Variants in JPH2 observed in about 807,000 individuals in gnomAD.
JPH2 encodes the protein junctophilin 2, also known as junctophilin-2.
JPH2 carries 38 observed loss-of-function variants against 55.9 expected under a neutral mutation model. That is an observed-to-expected ratio of 0.68 (90% CI 0.52 to 0.89). JPH2 has a LOEUF of 0.89. Ranked by LOEUF, JPH2 falls within the 40% of genes least tolerant of loss-of-function variation. JPH2 has a pLI of 0.00. For missense variants in JPH2, 964 were observed against 1,037.6 expected, an observed-to-expected ratio of 0.93 and a Z score of 0.97; for synonymous variants, 480 against 472.4, an observed-to-expected ratio of 1.02 and a Z score of -0.21.
In JPH2 at chr20:44,186,628, A is replaced by G. The variant is rs2072847532; in HGVS notation, c.78T>C (p.His26=). ...GGCCCTTGGGGCCTGTGCACAGTCCATGCCCATGGGCCTTTCCCCCCTCCC... is the reference window on the plus strand; with the variant it reads ...GGCCCTTGGGGCCTGTGCACAGTCCGTGCCCATGGGCCTTTCCCCCCTCCC... The part of the protein sequence containing the change: ...GGWEGGKAHG[H]GLCTGPKGQG... Residue 26 remains histidine (H), a synonymous_variant, in exon 1 of 6, where the codon CAT becomes CAC. Transcript: ENST00000372980. The G allele has an allele frequency of 6.2e-7, 1 of 1,611,790 alleles. No homozygotes were observed. Among genetic ancestry groups the G allele is most frequent in the African/African-American group, 1.3e-5 (1 of 74,880 alleles).
intron 2 of JPH2, among the ~76,000 whole-genome samples, chr20:44,145,634 A>C (rs546987152): frequency 3.4e-4 from 52 of 151,676 alleles, no homozygotes; most frequent in Middle Eastern, 3.5e-3. Context: ...AGCTGGCAAC[A>C]CTCTGGAGCT....
intron 2 of JPH2, among the ~76,000 whole-genome samples, chr20:44,134,738 TATAAAG>T (rs1288659887): frequency 4.7e-4 from 40 of 84,440 alleles, no homozygotes; most frequent in African/African-American, 1.8e-3. Context: ...ATTATAAATA[TATAAAG>T]ATATATTTAT....
At chr20:44,180,458 A>G (rs2072772236) in intron 1 of JPH2, among the ~76,000 whole-genome samples, 1 of 152,004 alleles carries the variant, frequency 6.6e-6, no homozygotes, top group African/African-American at 2.4e-5. Flanking sequence ...TAGCCTCTCA[A>G]GTAGTTGGGA....
chr20:44,134,084 T>TAAATA (rs1384905382), intron 2 of JPH2, among the ~76,000 whole-genome samples: 2 of 19,148 alleles, frequency 1.0e-4, no homozygotes, highest in African/African-American at 2.5e-4. Flanking sequence ...TATATATTTA[T>TAAATA]TATAAATATA....
At chr20:44,126,558 C>T (rs1387799464) in intron 2 of JPH2, among the ~76,000 whole-genome samples, 1 of 152,156 alleles carries the variant, frequency 6.6e-6, no homozygotes, top group East Asian at 1.9e-4. Flanking sequence ...TCAGGCTAAT[C>T]TAGAGGAAGG....
chr20:44,178,878 G>T (rs572200139), intron 1 of JPH2, among the ~76,000 whole-genome samples: 1 of 152,266 alleles, frequency 6.6e-6, no homozygotes, highest in East Asian at 1.9e-4. Flanking sequence ...GCTTATCTCT[G>T]CAAGGAACAT....
At chr20:44,176,823 T>C (rs2072737572) in intron 1 of JPH2, 2 of 971,190 alleles carry the variant, frequency 2.1e-6, no homozygotes, top group South Asian at 4.8e-5. Flanking sequence ...AAGGTATCCA[T>C]AAAGGATTCC....
intron 1 of JPH2, 133 bp downstream of exon 1, chr20:44,186,194 A>G (rs2072838296): frequency 9.5e-7 from 1 of 1,053,166 alleles, no homozygotes; most frequent in East Asian, 2.4e-5. Flanking sequence ...CAGCTTGCCC[A>G]AAACCACACA....
rs189981532 is a variant in JPH2, at chr20:44,110,858, G to C, written c.*2660C>G. On this transcript the variant is annotated 3_prime_UTR_variant, in exon 6 of 6. Coordinates refer to ENST00000372980, the MANE Select transcript of JPH2 (RefSeq NM_020433.5). ...GAGGAAACTGAGGCACAGAAAGAGG[G>C]AGTGAGGGAGCACATGGCCCATCAG... Among the ~76,000 whole-genome samples, 9 of 152,324 alleles carry C rather than the reference G, an allele frequency of 5.9e-5. No individual in the cohort carries two copies. Among genetic ancestry groups the C allele is most frequent in the South Asian group, 4.1e-4 (2 of 4,822 alleles).
chr20:44,149,847 G>T (rs566565844), intron 2 of JPH2, among the ~76,000 whole-genome samples: 1 of 151,902 alleles, frequency 6.6e-6, no homozygotes, highest in Non-Finnish European at 1.5e-5. Context: ...GAGTGGCGGC[G>T]CATGCCTGTA....
chr20:44,138,785 C>G (rs1348092227), intron 2 of JPH2, among the ~76,000 whole-genome samples: 1 of 151,980 alleles, frequency 6.6e-6, no homozygotes, highest in African/African-American at 2.4e-5. Flanking sequence ...TTTTTCTAAT[C>G]TAATACTAGA....
In JPH2 at chr20:44,110,056, C is replaced by A. The variant is rs1177431696; in HGVS notation, c.*3462G>T. ...TGGTCAAGATTAGAAGAGGAGGCAT[C>A]GGCCTGGCTGTGTCCTACCCTTGAG... On this transcript the variant is annotated 3_prime_UTR_variant, in exon 6 of 6. Transcript: ENST00000372980. Among the ~76,000 whole-genome samples the A allele has an allele frequency of 6.6e-6, 1 of 152,140 alleles. No individual in the cohort carries two copies. The highest frequency in any genetic ancestry group is 1.5e-5 in the Non-Finnish European group (1 of 68,018).
chr20:44,157,608 T>C (rs1230732903), intron 2 of JPH2, among the ~76,000 whole-genome samples: 2 of 152,196 alleles, frequency 1.3e-5, no homozygotes, highest in Admixed American at 1.3e-4. Context: ...TCCTAACCCT[T>C]AGACCAACTT....
At chr20:44,185,135 C>T (rs2072822022) in intron 1 of JPH2, among the ~76,000 whole-genome samples, 1 of 151,490 alleles carries the variant, frequency 6.6e-6, no homozygotes, top group Non-Finnish European at 1.5e-5. Flanking sequence ...CCCATCTCTA[C>T]AAAAAAAGAA....
chr20:44,166,149 T>C (rs2072654460), intron 1 of JPH2, among the ~76,000 whole-genome samples: 1 of 152,234 alleles, frequency 6.6e-6, no homozygotes, highest in Admixed American at 6.5e-5. Context: ...CTGTTTATTC[T>C]CTTCTTTCTG....
intron 2 of JPH2, among the ~76,000 whole-genome samples, chr20:44,137,151 AGCGGATTTTCTCCCCAAGGGTTGG>A (rs1365205679): frequency 1.3e-5 from 2 of 152,148 alleles, no homozygotes; most frequent in Non-Finnish European, 2.9e-5. Context: ...ATCACTACTT[AGCGGATTTTCTCCCCAAGGGTTGG>A]GCTCCCACCC....
chr20:44,152,757 A>G (rs1259528337), intron 2 of JPH2, among the ~76,000 whole-genome samples: 3 of 152,164 alleles, frequency 2.0e-5, no homozygotes, highest in Non-Finnish European at 2.9e-5. Flanking sequence ...AAGTGACACC[A>G]AGTCCATTTT....
intron 1 of JPH2, among the ~76,000 whole-genome samples, chr20:44,168,672 C>G (rs138691941): frequency 6.6e-6 from 1 of 152,356 alleles, no homozygotes; most frequent in Non-Finnish European, 1.5e-5. Context: ...AGCGTCCTGA[C>G]TAGTGCTTTC....
chr20:44,165,436 TTC>T (rs945537954), intron 1 of JPH2, among the ~76,000 whole-genome samples: 7 of 152,252 alleles, frequency 4.6e-5, no homozygotes, highest in Admixed American at 3.9e-4. Context: ...TGTGCCACCG[TTC>T]TCTCTCACCT....
Sources: allele counts gnomAD v4.1 joint callset (sites outside exome capture counted in the v4.1 genomes callset), GRCh38; gene constraint gnomAD v4.1.1; transcripts MANE v1.5; gene names NCBI Gene and HGNC (gene_info 2026-07-23, HGNC 2026-07-21).